Variants in MCTP2 observed in about 807,000 individuals in gnomAD.
MCTP2 encodes multiple C2 and transmembrane domain containing 2.
In MCTP2, 132 loss-of-function variants were observed where a neutral mutation model predicts 111.6. That is an observed-to-expected ratio of 1.18 (90% CI 1.03 to 1.37). MCTP2 has a LOEUF of 1.37. Among genes scored for constraint, MCTP2 ranks in the 40% most tolerant of loss-of-function variants. The probability of loss-of-function intolerance (pLI) is 0.00; values close to 1 mark genes in which losing one functional copy is unlikely to be tolerated. For synonymous variants in MCTP2, 395 were observed against 387.7 expected, an observed-to-expected ratio of 1.02 and a Z score of -0.22; for missense variants, 1,183 against 1,067.9, an observed-to-expected ratio of 1.11 and a Z score of -1.50.
chr15:94,404,299 T>C (rs2081776957), intron 17 of MCTP2, among the ~76,000 whole-genome samples: 1 of 146,366 alleles, frequency 6.8e-6, no homozygotes, highest in Admixed American at 6.7e-5. Context: ...CTCTTATTTT[T>C]TATTGTTTTT....
At position 94,356,255 on chromosome 15, in the gene MCTP2, A is replaced by G. The variant is rs1284997282; in HGVS notation, c.1124A>G (p.Glu375Gly). The G allele has an allele frequency of 3.1e-6, 5 of 1,612,780 alleles. No individual in the cohort carries two copies. The African/African-American group carries it at 6.7e-5, about 22-fold the overall frequency. ...GKNVSGGSMT[E>G]MFVQLKLGDQ... ...AATGTCTCAGGAGGAAGCATGACAG[A>G]GATGTTTGTCCAGTTAAAACTGGGA... The change falls in exon 9 of 23, where the codon GAG becomes GGG. Residue 375 changes from glutamate to glycine, a missense_variant. Physicochemically the swap from Glu to Gly is moderately conservative, Grantham distance 98 (BLOSUM62 -2). Coordinates refer to ENST00000357742, the MANE Select transcript of MCTP2 (RefSeq NM_001385001.1).
chr15:94,456,827 C>A (rs1383622190), intron 19 of MCTP2, among the ~76,000 whole-genome samples: 5 of 152,076 alleles, frequency 3.3e-5, no homozygotes, highest in Non-Finnish European at 7.4e-5. Context: ...AGCCTCTGTT[C>A]TTCCTTTGTC....
At chr15:94,426,141 TGAGAGAGAGAGAGAGA>T (rs10603478) in intron 17 of MCTP2, among the ~76,000 whole-genome samples, 3 of 140,938 alleles carry the variant, frequency 2.1e-5, no homozygotes, top group Non-Finnish European at 3.1e-5. Context: ...AGAGAGAGAT[TGAGAGAGAGAGAGAGA>T]GAGAGAGAGA....
chr15:94,340,617 G>A (rs893130694), intron 6 of MCTP2, among the ~76,000 whole-genome samples, 196 bp from the exon 7 acceptor site: 1 of 152,130 alleles, frequency 6.6e-6, no homozygotes, highest in Non-Finnish European at 1.5e-5. Flanking sequence ...TTAACCAACT[G>A]TTGAATTAAA....
chr15:94,390,049 CATATATATATAT>C lies in MCTP2; in HGVS notation c.1788+4553_1788+4564del, dbSNP rs1169783409. On this transcript the variant is annotated intron_variant, in intron 14 of 22. Transcript: ENST00000357742. ...CATTATTGATGGTGAATGTTCAAGG[CATATATATATAT>C]ATATATATATATATATATATATATA... Among the ~76,000 whole-genome samples the C allele has an allele frequency of 8.2e-4, 90 of 109,650 alleles. 4 individuals are homozygous for C. The highest frequency in any genetic ancestry group is 2.7e-3 in the African/African-American group (64 of 23,906). 71.9% of individuals were successfully genotyped at this position (109,650 alleles called of 152,430 possible). A position where few individuals can be genotyped will look rare whatever the true frequency, so the allele number is the denominator to read the frequency against.
chr15:94,402,801 AT>A, intron 17 of MCTP2: 1 of 1,387,864 alleles, frequency 7.2e-7, no homozygotes, highest in Non-Finnish European at 9.3e-7. Flanking sequence ...CATGCCATTC[AT>A]TTCTGTCCTG....
chr15:94,239,362 G>A (rs933593526), intron 1 of MCTP2, among the ~76,000 whole-genome samples: 2 of 152,160 alleles, frequency 1.3e-5, no homozygotes, highest in Admixed American at 6.5e-5. Context: ...ATAATCTGGG[G>A]CTCAGGAGTG....
intron 1 of MCTP2, among the ~76,000 whole-genome samples, chr15:94,277,455 A>G (rs1377644307): frequency 5.3e-5 from 8 of 152,300 alleles, no homozygotes; most frequent in South Asian, 4.1e-4. Context: ...TGGATAAACT[A>G]TGGCACATCT....
intron 1 of MCTP2, among the ~76,000 whole-genome samples, chr15:94,263,049 C>A (rs1341302799): frequency 2.0e-5 from 3 of 152,094 alleles, no homozygotes; most frequent in African/African-American, 4.8e-5. Flanking sequence ...CAGATCACTG[C>A]TCTGGTGGTA....
chr15:94,435,460 G>C (rs1306763485), intron 17 of MCTP2, among the ~76,000 whole-genome samples: 3 of 151,350 alleles, frequency 2.0e-5, no homozygotes, highest in Non-Finnish European at 4.4e-5. Flanking sequence ...TTAATGTTTT[G>C]CTGCTAGTAT....
intron 17 of MCTP2, among the ~76,000 whole-genome samples, chr15:94,408,113 T>A (rs986554992): frequency 9.9e-5 from 15 of 152,218 alleles, no homozygotes; most frequent in African/African-American, 3.4e-4. Context: ...GTCACCAGTT[T>A]ACTCACAACG....
chr15:94,422,855 G>GTCTTTTT (rs1289278444), intron 17 of MCTP2, among the ~76,000 whole-genome samples: 4 of 151,936 alleles, frequency 2.6e-5, no homozygotes, highest in African/African-American at 7.3e-5. Flanking sequence ...ATCAGTCATC[G>GTCTTTTT]TCTTTTTTCT....
chr15:94,367,561 G>T, intron 10 of MCTP2, 44 bp from the exon 11 acceptor site: 1 of 1,527,458 alleles, frequency 6.5e-7, no homozygotes, highest in Non-Finnish European at 8.9e-7. Flanking sequence ...CAGTGGCCTT[G>T]AATTAATCAC....
At chr15:94,239,118 G>T (rs545792127) in intron 1 of MCTP2, among the ~76,000 whole-genome samples, 11 of 151,800 alleles carry the variant, frequency 7.2e-5, no homozygotes, top group African/African-American at 2.4e-4. Context: ...TTTTTTTAAG[G>T]TGGTGGTTGG....
chr15:94,266,929 G>C (rs993972081), intron 1 of MCTP2, among the ~76,000 whole-genome samples: 5 of 152,220 alleles, frequency 3.3e-5, no homozygotes, highest in African/African-American at 1.2e-4. Flanking sequence ...GTGGCACTGT[G>C]ACCTGTGACC....
chr15:94,443,307 T>C (rs1313652431), intron 19 of MCTP2, among the ~76,000 whole-genome samples: 4 of 152,178 alleles, frequency 2.6e-5, no homozygotes, highest in Non-Finnish European at 5.9e-5. Context: ...TGCTTTAGGC[T>C]CATGTCTGCA....
At chr15:94,268,157 C>T (rs1190863702) in intron 1 of MCTP2, among the ~76,000 whole-genome samples, 2 of 149,286 alleles carry the variant, frequency 1.3e-5, no homozygotes, top group Non-Finnish European at 3.0e-5. Context: ...TGAGCCACCA[C>T]GCCCGGCCCA....
chr15:94,341,892 G>C (rs1448456508), intron 7 of MCTP2: 1 of 152,166 alleles, frequency 6.6e-6, no homozygotes, highest in Non-Finnish European at 1.5e-5. Context: ...TTAAATTAAT[G>C]TTGAAAATAA....
chr15:94,358,683 A>T, intron 10 of MCTP2, 71 bp downstream of exon 10: 1 of 1,566,168 alleles, frequency 6.4e-7, no homozygotes, highest in Non-Finnish European at 8.7e-7. Flanking sequence ...GGTGATCTTT[A>T]TCTGTTAGGG....
Sources: allele counts gnomAD v4.1 joint callset (sites outside exome capture counted in the v4.1 genomes callset), GRCh38; gene constraint gnomAD v4.1.1; transcripts MANE v1.5; gene names NCBI Gene and HGNC (gene_info 2026-07-23, HGNC 2026-07-21).